The following EFCAB6 variants were observed in gnomAD, a reference collection of about 807,000 sequenced individuals.
The protein encoded by EFCAB6 is EF-hand calcium binding domain 6, also known as EF-hand calcium-binding domain-containing protein 6.
Under a neutral mutation model 169.8 loss-of-function variants are expected in EFCAB6, and 156 were observed. The ratio of observed to expected loss-of-function variants is 0.92; its 90% CI spans 0.81 to 1.05. The LOEUF is 1.05. Ranked by LOEUF, EFCAB6 falls within the 50% of genes least tolerant of loss-of-function variation. The probability of loss-of-function intolerance (pLI) is 0.00; values close to 1 mark genes in which losing one functional copy is unlikely to be tolerated. For synonymous variants in EFCAB6, 698 were observed against 676.4 expected (o/e 1.03, Z -0.50); for missense variants, 1,800 against 1,829.1 (o/e 0.98, Z 0.29).
At chr22:43,534,307 C>T (rs2047258314) in intron 30 of EFCAB6, among the ~76,000 whole-genome samples, 1 of 152,186 alleles carries the variant, frequency 6.6e-6, no homozygotes, top group South Asian at 2.1e-4. Context: ...ACGTGCTTGC[C>T]TCCCCCTTCA....
intron 6 of EFCAB6, among the ~76,000 whole-genome samples, chr22:43,746,136 G>A (rs539142838): frequency 2.6e-4 from 40 of 152,302 alleles, no homozygotes; most frequent in African/African-American, 9.6e-4. Flanking sequence ...GGGAAGCGGG[G>A]GCCGGGCATC....
intron 17 of EFCAB6, among the ~76,000 whole-genome samples, chr22:43,652,434 C>T (rs550931440): frequency 2.0e-5 from 3 of 152,300 alleles, no homozygotes; most frequent in East Asian, 3.9e-4. Context: ...GTAAATTTTT[C>T]AGTCTCAGGT....
At chr22:43,750,058 C>T (rs1411549351) in intron 6 of EFCAB6, among the ~76,000 whole-genome samples, 1 of 152,084 alleles carries the variant, frequency 6.6e-6, no homozygotes, top group Admixed American at 6.5e-5. Context: ...CCACACCATG[C>T]TGCTTTAAAC....
intron 17 of EFCAB6, among the ~76,000 whole-genome samples, chr22:43,664,415 TA>T (rs2057148471): frequency 6.6e-6 from 1 of 152,084 alleles, no homozygotes; most frequent in Non-Finnish European, 1.5e-5. Context: ...TATTTTATAA[TA>T]GGGGAGGGCA....
intron 28 of EFCAB6, among the ~76,000 whole-genome samples, chr22:43,538,053 T>A (rs1020620344): frequency 8.9e-6 from 1 of 112,842 alleles, no homozygotes; most frequent in Admixed American, 8.5e-5. Flanking sequence ...CTAGCCCAGG[T>A]TTTTTTTCCT....
At chr22:43,732,534 C>T (rs1236285604) in intron 7 of EFCAB6, among the ~76,000 whole-genome samples, 1 of 135,674 alleles carries the variant, frequency 7.4e-6, no homozygotes, top group Non-Finnish European at 1.5e-5. Flanking sequence ...GTGCTGCAAT[C>T]TCAGCTCACT....
intron 27 of EFCAB6, chr22:43,554,654 G>A (rs2048588811): frequency 5.3e-6 from 3 of 567,530 alleles, no homozygotes; most frequent in Non-Finnish European, 9.3e-6. Flanking sequence ...AGGCAACAGT[G>A]ACAGTATTTG....
chr22:43,778,265 G>A (rs959504593), intron 3 of EFCAB6, among the ~76,000 whole-genome samples: 2 of 152,170 alleles, frequency 1.3e-5, no homozygotes, highest in African/African-American at 2.4e-5. Flanking sequence ...GCAGGTCTGC[G>A]CTCACCCTCT....
Position 43,576,288 on chromosome 22 carries a change from C to T in EFCAB6, c.3420+9G>A. On this transcript the variant is annotated intron_variant, in intron 26 of 31. Transcript: ENST00000262726. Reference sequence around the variant, plus strand: ...CAAAGAGATGCTTATGTGCTGCAGACATTCTTACCTCCTCAAGGAAACAGC... The same window carrying T: ...CAAAGAGATGCTTATGTGCTGCAGATATTCTTACCTCCTCAAGGAAACAGC... The T allele has an allele frequency of 1.9e-6, 3 of 1,572,530 alleles. No homozygotes were observed. Among genetic ancestry groups the T allele is most frequent in the East Asian group, 4.6e-5 (2 of 43,112 alleles).
At chr22:43,661,783 A>G (rs886424002) in intron 17 of EFCAB6, among the ~76,000 whole-genome samples, 5 of 152,206 alleles carry the variant, frequency 3.3e-5, no homozygotes, top group Admixed American at 6.5e-5. Context: ...TAAACAGGAA[A>G]GAGGGGAGAA....
At chr22:43,755,414 C>T (rs2060920335) in intron 6 of EFCAB6, among the ~76,000 whole-genome samples, 1 of 152,240 alleles carries the variant, frequency 6.6e-6, no homozygotes, top group Non-Finnish European at 1.5e-5. Context: ...TTGGCATTGA[C>T]TGCTGCAAAG....
intron 23 of EFCAB6, among the ~76,000 whole-genome samples, chr22:43,598,112 G>A (rs2147493095): frequency 6.6e-6 from 1 of 152,150 alleles, no homozygotes; most frequent in East Asian, 1.9e-4. Flanking sequence ...TTTGAGACCA[G>A]CCTGGGCAAC....
intron 10 of EFCAB6, among the ~76,000 whole-genome samples, chr22:43,691,977 A>G (rs2058429135): frequency 6.6e-6 from 1 of 152,178 alleles, no homozygotes; most frequent in Non-Finnish European, 1.5e-5. Context: ...CAGGAACATC[A>G]GTTAAAAAAA....
At chr22:43,717,905 A>T (rs2059389067) in intron 8 of EFCAB6, among the ~76,000 whole-genome samples, 1 of 152,236 alleles carries the variant, frequency 6.6e-6, no homozygotes, top group Admixed American at 6.5e-5. Flanking sequence ...CCTATGAAAT[A>T]CTACACAGAC....
rs533861249 is a variant in EFCAB6, at chr22:43,542,293, G to A, written c.3649-1936C>T. On this transcript the variant is annotated intron_variant, in intron 27 of 31. Transcript: ENST00000262726. Reference sequence around the variant, plus strand: ...GCCAACTCCCTAATTAAATTCTGTGGTGCAGGCTGGGTGCAGTGGCTCACG... The same window carrying A: ...GCCAACTCCCTAATTAAATTCTGTGATGCAGGCTGGGTGCAGTGGCTCACG... 1.6e-4 allele frequency among the ~76,000 whole-genome samples: 25 copies of A among 152,310 alleles called. No individual in the cohort carries two copies. In the South Asian group the frequency reaches 5.0e-3, roughly 30 times the overall value.
chr22:43,598,381 T>C (rs1010556442), intron 23 of EFCAB6, among the ~76,000 whole-genome samples: 3 of 145,956 alleles, frequency 2.1e-5, no homozygotes, highest in African/African-American at 5.2e-5. Flanking sequence ...CAGAGGCTAA[T>C]TTACCAGAGG....
chr22:43,571,054 C>A (rs2049842032), intron 26 of EFCAB6, among the ~76,000 whole-genome samples: 1 of 152,216 alleles, frequency 6.6e-6, no homozygotes, highest in African/African-American at 2.4e-5. Flanking sequence ...AGCCACACAG[C>A]AGGGGCAGGA....
At chr22:43,740,416 C>T (rs1011989264) in intron 6 of EFCAB6, among the ~76,000 whole-genome samples, 2 of 152,166 alleles carry the variant, frequency 1.3e-5, no homozygotes, top group Non-Finnish European at 2.9e-5. Flanking sequence ...AAAAGAGCCA[C>T]GATCTGCAGA....
chr22:43,645,694 A>G (rs553093261), intron 17 of EFCAB6, among the ~76,000 whole-genome samples: 25 of 152,334 alleles, frequency 1.6e-4, no homozygotes, highest in African/African-American at 5.8e-4. Flanking sequence ...CGCATTGTGC[A>G]TTGTGACACA....
Sources: gnomAD v4.1 joint callset for allele counts (sites outside exome capture counted in the v4.1 genomes callset) on GRCh38, gnomAD v4.1.1 for gene constraint, MANE v1.5 for transcripts, NCBI Gene and HGNC (gene_info 2026-07-23, HGNC 2026-07-21) for gene names.